The following NSMAF variants were observed in gnomAD, a reference collection of about 807,000 sequenced individuals.
NSMAF encodes neutral sphingomyelinase activation associated factor, also known as protein FAN.
A neutral mutation model predicts 134.9 loss-of-function variants in NSMAF; 90 were observed. That is an observed-to-expected ratio of 0.67 (90% CI 0.56 to 0.79). The LOEUF is 0.79. Among genes scored for constraint, NSMAF ranks in the 30% least tolerant of loss-of-function variants. NSMAF has a pLI of 0.00. For synonymous variants in NSMAF, 358 were observed against 389.6 expected (o/e 0.92, Z 0.96); for missense variants, 1,010 against 1,119.0 (o/e 0.90, Z 1.39).
chr8:58,594,353 C>T, intron 22 of NSMAF, 63 bp from the exon 23 acceptor site: 1 of 1,398,980 alleles, frequency 7.1e-7, no homozygotes, highest in Non-Finnish European at 1.0e-6. Context: ...CTCTTTGTTT[C>T]ATATCCTTGA....
intron 9 of NSMAF, among the ~76,000 whole-genome samples, chr8:58,613,046 G>C (rs1000572370): frequency 8.5e-5 from 13 of 152,108 alleles, no homozygotes; most frequent in Middle Eastern, 6.8e-3. Context: ...AATCTCTAAT[G>C]GATCAGCTTG....
rs889084214 is a variant in NSMAF, at chr8:58,632,174, TCAA to T, written c.334-631_334-629del. ...ACACCTCCCCAAACCTGTCAGATAT[TCAA>T]AAGCTTTGCTCTTAGGATTATATAC... On this transcript the variant is annotated intron_variant, in intron 5 of 30. Coordinates refer to ENST00000038176, the MANE Select transcript of NSMAF (RefSeq NM_003580.4). Among the ~76,000 whole-genome samples, 12 of 152,226 alleles carry T rather than the reference TCAA, an allele frequency of 7.9e-5. 1 individual carries two copies. The highest frequency in any genetic ancestry group is 7.8e-4 in the Admixed American group (12 of 15,296).
intron 24 of NSMAF, among the ~76,000 whole-genome samples, chr8:58,590,657 C>A (rs79339869): frequency 0.017 from 2,578 of 152,026 alleles, 35 homozygotes; most frequent in African/African-American, 0.036. Context: ...GTATTTTAAG[C>A]TAAAAATGAA....
chr8:58,635,310 G>A lies in NSMAF; in HGVS notation c.291C>T (p.Phe97=). The A allele has an allele frequency of 6.2e-7, 1 of 1,611,254 alleles. No homozygotes were observed. The highest frequency in any genetic ancestry group is 8.5e-7 in the Non-Finnish European group (1 of 1,178,602). ...CAGTGGTGAAAATGACATACTTTGT[G>A]AAGTGTCTATTGGCTCCATTTTCTC... ...KHGENGANRH[F]TKAKSGGISL... The change falls in exon 4 of 31, where the codon TTC becomes TTT. Residue 97 remains phenylalanine, a synonymous_variant. Coordinates refer to ENST00000038176, the MANE Select transcript of NSMAF (RefSeq NM_003580.4).
At chr8:58,636,187 T>A (rs371792200) in intron 2 of NSMAF, among the ~76,000 whole-genome samples, 5 of 152,318 alleles carry the variant, frequency 3.3e-5, no homozygotes, top group African/African-American at 1.2e-4. Context: ...AAAACTCCCA[T>A]GTACCAATGG....
chr8:58,623,882 C>T (rs1297265089), intron 6 of NSMAF, 102 bp from the exon 7 acceptor site: 6 of 869,024 alleles, frequency 6.9e-6, no homozygotes, highest in Non-Finnish European at 1.1e-5. Context: ...ATAAAATCTG[C>T]ATGTTTTACC....
At chr8:58,627,673 C>T (rs1391121534) in intron 6 of NSMAF, among the ~76,000 whole-genome samples, 1 of 152,046 alleles carries the variant, frequency 6.6e-6, no homozygotes, top group Admixed American at 6.6e-5. Flanking sequence ...TAAAATAGCT[C>T]TACAAGAAAA....
chr8:58,627,150 T>C (rs959159672), intron 6 of NSMAF, among the ~76,000 whole-genome samples: 2 of 152,246 alleles, frequency 1.3e-5, no homozygotes, highest in East Asian at 1.9e-4. Flanking sequence ...TTTCTCCCAC[T>C]CTGTGGGTTG....
At chr8:58,630,839 G>A (rs115967796) in intron 6 of NSMAF, among the ~76,000 whole-genome samples, 2,155 of 152,264 alleles carry the variant, frequency 0.014, 57 homozygotes, top group African/African-American at 0.05. Flanking sequence ...TTCAGCCTGT[G>A]GGACTATGTT....
intron 26 of NSMAF, among the ~76,000 whole-genome samples, chr8:58,588,241 C>T (rs549660724): frequency 6.6e-6 from 1 of 151,822 alleles, no homozygotes; most frequent in Non-Finnish European, 1.5e-5. Context: ...CATATTCCTA[C>T]ATCGAAAGAA....
chr8:58,594,150 G>A, intron 23 of NSMAF, 82 bp downstream of exon 23: 1 of 1,213,804 alleles, frequency 8.2e-7, no homozygotes, highest in Non-Finnish European at 1.2e-6. Context: ...TGCAAGTGCA[G>A]TCCTTGACCA....
At chr8:58,645,690 TTAA>T in intron 1 of NSMAF, among the ~76,000 whole-genome samples, 1 of 152,158 alleles carries the variant, frequency 6.6e-6, no homozygotes, top group African/African-American at 2.4e-5. Context: ...AAGGCTACAA[TTAA>T]TATCCCTACA....
rs1805955624 is a variant in NSMAF, at chr8:58,588,817, A to T, written c.2211+635T>A. The T allele has an allele frequency of 1.3e-5, 11 of 826,380 alleles. No individual in the cohort carries two copies. In the Admixed American group the frequency reaches 1.9e-4, roughly 14 times the overall value. 51.2% of individuals were successfully genotyped at this position (826,380 alleles called of 1,614,324 possible). A position where few individuals can be genotyped will look rare whatever the true frequency, so the allele number is the denominator to read the frequency against. ...ACTTGACATTTTCTAATTAACTATA[A>T]TCAACTAATATTTCTGATCATGGCA... On this transcript the variant is annotated intron_variant, in intron 26 of 30. Transcript: ENST00000038176.
At chr8:58,612,819 T>C (rs1487494282) in intron 9 of NSMAF, among the ~76,000 whole-genome samples, 1 of 152,010 alleles carries the variant, frequency 6.6e-6, no homozygotes, top group Non-Finnish European at 1.5e-5. Context: ...AATTTCCCCA[T>C]CATACACTCT....
In NSMAF at chr8:58,631,633, A is replaced by G. The variant is rs182739972; in HGVS notation, c.334-87T>C. The G allele has an allele frequency of 1.5e-3, 1,093 of 707,300 alleles. 3 individuals carry two copies. Among genetic ancestry groups the G allele is most frequent in the Non-Finnish European group, 2.2e-3 (970 of 438,634 alleles). The allele number at this position is 707,300 out of a possible 1,614,324, so 43.8% of individuals were successfully genotyped here. On this transcript the variant is annotated intron_variant, in intron 5 of 30. Transcript: ENST00000038176. ...CTACAAATCAGAACATTATCAATCA[A>G]AAGTTTTAAATCATTGTTATATAAT...
intron 1 of NSMAF, among the ~76,000 whole-genome samples, chr8:58,647,559 A>G (rs1267801272): frequency 6.6e-6 from 1 of 151,904 alleles, no homozygotes; most frequent in African/African-American, 2.4e-5. Flanking sequence ...ATCCCTCATG[A>G]CTCAGCACCA....
In NSMAF at chr8:58,599,804, T is replaced by C. The variant is rs150019202; in HGVS notation, c.1399A>G (p.Lys467Glu). 5.6e-6 allele frequency: 9 copies of C among 1,614,022 alleles called. No individual in the cohort carries two copies. The African/African-American group carries it at 1.2e-4, about 22-fold the overall frequency. ...TCAACCATCTGTCCTCCTTGTCTCT[T>C]TCCCAAATCCAACTTCAGGCTATTG... Reference protein sequence around the residue: ...LVNSLKLDLGKRQGGQMVDDV... With the variant: ...LVNSLKLDLGERQGGQMVDDV... The change falls in exon 18 of 31, where the codon AAG (lysine) becomes GAG (glutamate). Residue 467 changes from lysine to glutamate, a missense_variant. Transcript: ENST00000038176.
Position 58,589,492 on chromosome 8 carries a change from T to C in NSMAF, c.2171A>G (p.Asp724Gly), listed in dbSNP as rs767390860. Residue 724 changes from aspartate to glycine, a missense_variant, in exon 26 of 31, where the codon GAC becomes GGC. By Grantham distance (94) the Asp-to-Gly change is moderately conservative. Coordinates refer to ENST00000038176, the MANE Select transcript of NSMAF (RefSeq NM_003580.4). ...CCACGATGCAGAATATAGCCTGTTG[T>C]CATGCCAACAGATCTTACTAACAGC... ...DDAVSKICWH[D>G]NRLYSASWDS... The C allele has an allele frequency of 6.4e-7, 1 of 1,561,716 alleles. No individual in the cohort carries two copies.
In NSMAF at chr8:58,631,476, A is replaced by T; in HGVS notation, c.384+20T>A. Reference sequence around the variant, plus strand: ...AATGACTATATAAATTGCTGGAAATACATGAAAAGCTTTACTTACCCTTTC... The same window carrying T: ...AATGACTATATAAATTGCTGGAAATTCATGAAAAGCTTTACTTACCCTTTC... On this transcript the variant is annotated intron_variant, in intron 6 of 30. Transcript: ENST00000038176. The T allele has an allele frequency of 7.0e-7, 1 of 1,430,046 alleles. No homozygotes were observed. 88.6% of individuals were successfully genotyped at this position (1,430,046 alleles called of 1,614,324 possible). A position where few individuals can be genotyped will look rare whatever the true frequency, so the allele number is the denominator to read the frequency against.
Sources: allele counts gnomAD v4.1 joint callset (sites outside exome capture counted in the v4.1 genomes callset), GRCh38; gene constraint gnomAD v4.1.1; transcripts MANE v1.5; gene names NCBI Gene and HGNC (gene_info 2026-07-23, HGNC 2026-07-21).